ADGRL3: variants seen among roughly 807,000 people sequenced by gnomAD.
ADGRL3 encodes calcium-independent alpha-latrotoxin receptor 3.
A neutral mutation model predicts 153.5 loss-of-function variants in ADGRL3; 62 were observed. The ratio of observed to expected loss-of-function variants is 0.40; its 90% confidence interval spans 0.33 to 0.50. ADGRL3 has a LOEUF of 0.50. Ranked by LOEUF, ADGRL3 falls within the 20% of genes least tolerant of loss-of-function variation. The pLI is 0.47. For missense variants in ADGRL3, 1,641 were observed against 1,859.4 expected (o/e 0.88, Z 2.16); for synonymous variants, 710 against 672.5 (o/e 1.06, Z -0.86).
intron 1 of ADGRL3, among the ~76,000 whole-genome samples, chr4:61,313,771 A>G (rs2095101032): frequency 1.3e-5 from 2 of 152,332 alleles, no homozygotes; most frequent in South Asian, 2.1e-4. Context: ...AAAAAGAAGT[A>G]CGGTGGTTTT....
At chr4:61,973,620 C>T (rs1425969602) in intron 17 of ADGRL3, among the ~76,000 whole-genome samples, 1 of 151,908 alleles carries the variant, frequency 6.6e-6, no homozygotes, top group Admixed American at 6.6e-5. Context: ...CTGTCATTCT[C>T]CTCTGATTTT....
chr4:61,947,965 T>G, intron 16 of ADGRL3, 135 bp from the exon 17 acceptor site: 1 of 660,340 alleles, frequency 1.5e-6, no homozygotes, highest in Non-Finnish European at 2.6e-6. Flanking sequence ...TGAGGCCCAC[T>G]TATGAAACCA....
chr4:61,964,115 G>C (rs1280678636), intron 17 of ADGRL3, among the ~76,000 whole-genome samples: 1 of 152,092 alleles, frequency 6.6e-6, no homozygotes, highest in Non-Finnish European at 1.5e-5. Context: ...AAATCAGGAG[G>C]CTTAGGTTTC....
chr4:61,754,899 T>C (rs2096803682), intron 8 of ADGRL3, among the ~76,000 whole-genome samples: 1 of 152,192 alleles, frequency 6.6e-6, no homozygotes, highest in Admixed American at 6.5e-5. Flanking sequence ...GATAGTTTGC[T>C]GAGAATGATG....
intron 4 of ADGRL3, among the ~76,000 whole-genome samples, chr4:61,554,061 T>C (rs1261632369): frequency 1.3e-5 from 2 of 148,986 alleles, no homozygotes; most frequent in South Asian, 2.1e-4. Flanking sequence ...AATCTCAAAG[T>C]CAAAGCTACA....
At chr4:61,813,728 A>T in intron 8 of ADGRL3, 81 bp from the exon 9 acceptor site, 2 of 1,507,070 alleles carry the variant, frequency 1.3e-6, no homozygotes, top group South Asian at 1.2e-5. Flanking sequence ...GGAGTGAAAT[A>T]GTGTTATATC....
At chr4:61,834,463 G>A (rs1210638361) in intron 9 of ADGRL3, among the ~76,000 whole-genome samples, 22 of 152,092 alleles carry the variant, frequency 1.4e-4, no homozygotes, top group Admixed American at 1.4e-3. Flanking sequence ...GTAATCCTTT[G>A]GGTATACACC....
intron 8 of ADGRL3, among the ~76,000 whole-genome samples, chr4:61,768,246 C>T (rs996588961): frequency 6.6e-6 from 1 of 151,996 alleles, no homozygotes; most frequent in Non-Finnish European, 1.5e-5. Flanking sequence ...AAACTGTAAG[C>T]CAGACCAGGT....
At chr4:61,246,800 A>T (rs1468862139) in intron 1 of ADGRL3, among the ~76,000 whole-genome samples, 2 of 151,622 alleles carry the variant, frequency 1.3e-5, no homozygotes, top group Non-Finnish European at 2.9e-5. Context: ...CTTCCCATAT[A>T]TACCTTCTAA....
intron 5 of ADGRL3, among the ~76,000 whole-genome samples, chr4:61,630,019 A>G (rs772958551): frequency 1.3e-5 from 2 of 152,128 alleles, no homozygotes; most frequent in Non-Finnish European, 1.5e-5. Flanking sequence ...TGCGAGCCAT[A>G]TGACAGATCT....
intron 2 of ADGRL3, chr4:61,420,368 C>G (rs1235589969): frequency 6.9e-6 from 1 of 145,876 alleles, no homozygotes; most frequent in Non-Finnish European, 1.5e-5. Context: ...ATGATGAACC[C>G]TAGAATAATA....
intron 8 of ADGRL3, among the ~76,000 whole-genome samples, chr4:61,760,637 C>T (rs2096900961): frequency 6.6e-6 from 1 of 152,194 alleles, no homozygotes; most frequent in African/African-American, 2.4e-5. Context: ...TGCTTCGGCT[C>T]ACGCTGGGTG....
At chr4:61,899,105 C>T (rs1028607132) in intron 11 of ADGRL3, among the ~76,000 whole-genome samples, 4 of 152,164 alleles carry the variant, frequency 2.6e-5, no homozygotes, top group Non-Finnish European at 4.4e-5. Context: ...ACCTCTGCAG[C>T]TCCATTTTAC....
At chr4:61,528,544 G>T (rs1416383633) in intron 4 of ADGRL3, among the ~76,000 whole-genome samples, 2 of 151,918 alleles carry the variant, frequency 1.3e-5, no homozygotes, top group Non-Finnish European at 2.9e-5. Flanking sequence ...CACCATATGG[G>T]GATTTATATA....
At chr4:61,978,548 C>T (rs953284067) in intron 17 of ADGRL3, among the ~76,000 whole-genome samples, 1 of 152,160 alleles carries the variant, frequency 6.6e-6, no homozygotes, top group African/African-American at 2.4e-5. Flanking sequence ...AATTTCTCAA[C>T]TTTGCTCCGA....
At chr4:61,231,728 G>A (rs984620060) in intron 1 of ADGRL3, among the ~76,000 whole-genome samples, 1 of 151,986 alleles carries the variant, frequency 6.6e-6, no homozygotes. Flanking sequence ...AAGACGTCGA[G>A]GGGTGGTATC....
intron 24 of ADGRL3, among the ~76,000 whole-genome samples, chr4:62,039,060 CTAAT>C (rs1178492024): frequency 6.6e-6 from 1 of 152,036 alleles, no homozygotes; most frequent in Non-Finnish European, 1.5e-5. Context: ...ACCTATATAT[CTAAT>C]TATTGTTTCA....
chr4:61,216,705 G>GA (rs1292302663), intron 1 of ADGRL3, among the ~76,000 whole-genome samples: 1 of 152,210 alleles, frequency 6.6e-6, no homozygotes, highest in East Asian at 1.9e-4. Context: ...AATCAAAGAG[G>GA]AAAAGTAGAG....
At chr4:61,988,327 A>G (rs991370800) in intron 19 of ADGRL3, among the ~76,000 whole-genome samples, 1 of 152,182 alleles carries the variant, frequency 6.6e-6, no homozygotes, top group Admixed American at 6.5e-5. Flanking sequence ...TTAAAAAACA[A>G]TAATCTTAAA....
Sources: allele counts gnomAD v4.1 joint callset (sites outside exome capture counted in the v4.1 genomes callset), GRCh38; gene constraint gnomAD v4.1.1; transcripts MANE v1.5; gene names NCBI Gene and HGNC (gene_info 2026-07-23, HGNC 2026-07-21).